Variants in AFDN observed in about 807,000 individuals in gnomAD.
AFDN encodes the protein afadin, adherens junction formation factor, also known as afadin.
A neutral mutation model predicts 216.6 loss-of-function variants in AFDN; 68 were observed. The ratio of observed to expected loss-of-function variants is 0.31; its 90% CI spans 0.26 to 0.38. The LOEUF (loss-of-function observed/expected upper bound fraction) is 0.38, where lower values mean the gene tolerates loss of function less well. Among genes scored for constraint, AFDN ranks in the 10% least tolerant of loss-of-function variants. AFDN has a pLI of 1.00. For missense variants in AFDN, 2,136 were observed against 2,342.0 expected (o/e 0.91, Z 1.82); for synonymous variants, 868 against 853.7 (o/e 1.02, Z -0.29).
intron 31 of AFDN, chr6:167,963,944 C>G: frequency 9.4e-7 from 1 of 1,064,660 alleles, no homozygotes; most frequent in African/African-American, 1.6e-5. Flanking sequence ...CTTGGCTGTC[C>G]CAGGCCGTGC....
At chr6:167,947,718 ATT>A in intron 27 of AFDN, 133 bp from the exon 28 acceptor site, 9 of 490,308 alleles carry the variant, frequency 1.8e-5, no homozygotes, top group South Asian at 5.9e-5. Context: ...ACCTGCCTTG[ATT>A]TTTTTTTTTC....
chr6:167,835,769 A>T (rs1270415342), intron 1 of AFDN, among the ~76,000 whole-genome samples: 1 of 152,222 alleles, frequency 6.6e-6, no homozygotes, highest in African/African-American at 2.4e-5. Flanking sequence ...AATATTACTA[A>T]GAAAATAGTT....
intron 18 of AFDN, 89 bp from the exon 19 acceptor site, chr6:167,915,079 A>C: frequency 4.9e-4 from 604 of 1,245,056 alleles, no homozygotes; most frequent in Non-Finnish European, 6.3e-4. Flanking sequence ...TTACTACCAT[A>C]GGTACCATTA....
intron 6 of AFDN, among the ~76,000 whole-genome samples, chr6:167,882,451 TCAA>T (rs1368193847): frequency 6.7e-6 from 1 of 148,960 alleles, no homozygotes; most frequent in Non-Finnish European, 1.5e-5. Context: ...ACAAGGCTGG[TCAA>T]CATTGCGAAA....
rs1207698275 is a variant in AFDN at position 167,907,306 on chromosome 6, T to G, written c.1769+17T>G. 6.3e-7 allele frequency: 1 copy of G among 1,577,494 alleles called. No individual in the cohort carries two copies. Among genetic ancestry groups the G allele is most frequent in the Admixed American group, 1.7e-5 (1 of 59,860 alleles). On this transcript the variant is annotated intron_variant, in intron 13 of 33. Coordinates refer to ENST00000683244, the MANE Select transcript of AFDN (RefSeq NM_001386888.1). Reference sequence around the variant, plus strand: ...AGAAAGCAGGTAGGAAACACATCATTTTTCAATGGTGAAAGTACTGAAAGT... The same window carrying G: ...AGAAAGCAGGTAGGAAACACATCATGTTTCAATGGTGAAAGTACTGAAAGT...
At chr6:167,897,867 A>G (rs1788479221) in intron 10 of AFDN, among the ~76,000 whole-genome samples, 1 of 151,928 alleles carries the variant, frequency 6.6e-6, no homozygotes, top group Non-Finnish European at 1.5e-5. Context: ...GATAGTCTCG[A>G]TCTCCTGACC....
At chr6:167,826,815 C>G (rs1399788313), upstream of AFDN, 1 of 143,466 alleles carries the variant, frequency 7.0e-6, no homozygotes, top group Non-Finnish European at 1.6e-5. Flanking sequence ...GGTGCGGCGG[C>G]GCCGCGCGGG....
intron 12 of AFDN, 141 bp from the exon 13 acceptor site, chr6:167,907,030 C>A: frequency 1.6e-6 from 1 of 635,562 alleles, no homozygotes; most frequent in Non-Finnish European, 2.8e-6. Flanking sequence ...GTGTCCCCAG[C>A]ATTGCTTTGT....
chr6:167,848,815 C>T (rs1781979989), intron 1 of AFDN, among the ~76,000 whole-genome samples: 1 of 152,176 alleles, frequency 6.6e-6, no homozygotes, highest in African/African-American at 2.4e-5. Context: ...GCCTTTACTT[C>T]CCTTTAATTG....
chr6:167,829,242 C>T (rs1382983568), intron 1 of AFDN, among the ~76,000 whole-genome samples: 2 of 152,024 alleles, frequency 1.3e-5, no homozygotes, highest in Non-Finnish European at 1.5e-5. Flanking sequence ...AGCTTTTTTA[C>T]TATATAGTGG....
At chr6:167,874,214 A>G (rs1181317257) in intron 4 of AFDN, among the ~76,000 whole-genome samples, 1 of 152,212 alleles carries the variant, frequency 6.6e-6, no homozygotes, top group East Asian at 1.9e-4. Flanking sequence ...ACTGGACTAC[A>G]TAGCGAGACC....
At position 167,965,779 on chromosome 6, in the gene AFDN, A is replaced by G; in HGVS notation, c.4991A>G (p.Tyr1664Cys). Residue 1664 changes from tyrosine to cysteine, a missense_variant, in exon 32 of 34, where the codon TAC (tyrosine) becomes TGC (cysteine). Around this residue, in one of 8 missense-constraint regions of AFDN, gnomAD observed 981 missense variants for 966.0 expected, o/e 1.02. Transcript: ENST00000683244. ...EEKRRQEEGY[Y>C]SRLEAERRRQ... ...CAGAGGCGACAGGAAGAAGGGTATT[A>G]CAGCCGCCTGGAAGCCGAGAGGCGC... is the stretch of plus-strand genomic sequence containing the variant. 2 of 1,557,818 alleles carry G rather than the reference A, an allele frequency of 1.3e-6. No individual in the cohort carries two copies. The highest frequency in any genetic ancestry group is 8.7e-7 in the Non-Finnish European group (1 of 1,153,404).
intron 30 of AFDN, among the ~76,000 whole-genome samples, chr6:167,960,674 T>C (rs1276844103): frequency 6.6e-6 from 1 of 152,230 alleles, no homozygotes; most frequent in Non-Finnish European, 1.5e-5. Context: ...GTTCTCCTAG[T>C]TTTTCTTGAC....
At chr6:167,909,159 T>A (rs1419665020) in intron 13 of AFDN, among the ~76,000 whole-genome samples, 1 of 152,142 alleles carries the variant, frequency 6.6e-6, no homozygotes, top group Non-Finnish European at 1.5e-5. Context: ...AAATAATTGA[T>A]CATTTAAATT....
At chr6:167,841,168 G>T (rs879944996) in intron 1 of AFDN, among the ~76,000 whole-genome samples, 2 of 152,192 alleles carry the variant, frequency 1.3e-5, no homozygotes, top group Non-Finnish European at 2.9e-5. Context: ...AGGTGATGGT[G>T]TCATTAACCA....
chr6:167,969,700 C>G, intron 33 of AFDN, 82 bp from the exon 34 acceptor site: 1 of 1,319,754 alleles, frequency 7.6e-7, no homozygotes, highest in Non-Finnish European at 1.0e-6. Context: ...AAATTTTAAT[C>G]GCCCATTTTG....
chr6:167,847,999 G>T (rs1781891000), intron 1 of AFDN, among the ~76,000 whole-genome samples: 1 of 152,040 alleles, frequency 6.6e-6, no homozygotes, highest in Non-Finnish European at 1.5e-5. Context: ...TTCTGCCTGG[G>T]ATCTTAGTAC....
intron 31 of AFDN, chr6:167,963,536 G>C: frequency 9.5e-7 from 1 of 1,056,480 alleles, no homozygotes; most frequent in Non-Finnish European, 1.1e-6. Context: ...TGCTCTATTA[G>C]GATACAGAAC....
chr6:167,906,866 T>A (rs964046652), intron 12 of AFDN, among the ~76,000 whole-genome samples: 2 of 152,246 alleles, frequency 1.3e-5, no homozygotes, highest in Non-Finnish European at 2.9e-5. Context: ...ATCGAATTAC[T>A]ATTAATGTAC....
Sources: allele counts gnomAD v4.1 joint callset (sites outside exome capture counted in the v4.1 genomes callset), GRCh38; gene constraint gnomAD v4.1.1; regional missense constraint gnomAD v4.1.1; transcripts MANE v1.5; gene names NCBI Gene and HGNC (gene_info 2026-07-23, HGNC 2026-07-21).